Variants in DGKB observed in about 807,000 individuals in gnomAD.
DGKB encodes 90 kDa diacylglycerol kinase.
Under a neutral mutation model 114.3 loss-of-function variants are expected in DGKB, and 67 were observed. That is an observed-to-expected ratio of 0.59 (90% CI 0.48 to 0.72). DGKB has a LOEUF of 0.72. Ranked by LOEUF, DGKB falls within the 30% of genes least tolerant of loss-of-function variation. The pLI, the probability that DGKB is intolerant of heterozygous loss-of-function variation, is 0.00. For synonymous variants in DGKB, 398 were observed against 323.1 expected (o/e 1.23, Z -2.49); for missense variants, 907 against 975.2 (o/e 0.93, Z 0.93).
At chr7:14,172,130 C>A (rs945326453) in intron 25 of DGKB, among the ~76,000 whole-genome samples, 4 of 151,966 alleles carry the variant, frequency 2.6e-5, no homozygotes, top group African/African-American at 9.7e-5. Context: ...TGTTACCAAA[C>A]TAAAGAAGAG....
chr7:14,599,946 A>G (rs1314180243), intron 17 of DGKB, among the ~76,000 whole-genome samples: 1 of 152,212 alleles, frequency 6.6e-6, no homozygotes, highest in African/African-American at 2.4e-5. Flanking sequence ...CTTAACTCCT[A>G]TAGAAAAAAA....
intron 2 of DGKB, among the ~76,000 whole-genome samples, chr7:14,793,197 A>G (rs904426418): frequency 1.3e-5 from 2 of 152,190 alleles, no homozygotes; most frequent in African/African-American, 4.8e-5. Context: ...GACACTTAAG[A>G]AAAATACTGA....
At chr7:14,289,549 T>C (rs1298774030) in intron 23 of DGKB, among the ~76,000 whole-genome samples, 2 of 152,130 alleles carry the variant, frequency 1.3e-5, no homozygotes, top group Non-Finnish European at 2.9e-5. Context: ...ATTAAATCAG[T>C]ACATATTTTT....
At chr7:14,212,838 T>C (rs1046840973) in intron 23 of DGKB, among the ~76,000 whole-genome samples, 3 of 152,124 alleles carry the variant, frequency 2.0e-5, no homozygotes, top group Non-Finnish European at 4.4e-5. Flanking sequence ...ATTCACCATT[T>C]TTGACATCTC....
chr7:14,797,761 T>C (rs1331500760), intron 2 of DGKB, among the ~76,000 whole-genome samples: 1 of 152,142 alleles, frequency 6.6e-6, no homozygotes, highest in Non-Finnish European at 1.5e-5. Context: ...TGGCTTTCCT[T>C]CTTCTCTCCC....
chr7:14,838,977 T>G (rs1847537951), intron 2 of DGKB, among the ~76,000 whole-genome samples: 1 of 152,180 alleles, frequency 6.6e-6, no homozygotes, highest in African/African-American at 2.4e-5. Context: ...ACCTAATTTT[T>G]AAATATTTGT....
chr7:14,487,096 G>A (rs551257081), intron 20 of DGKB, among the ~76,000 whole-genome samples: 1 of 152,248 alleles, frequency 6.6e-6, no homozygotes, highest in African/African-American at 2.4e-5. Flanking sequence ...GAGTGTGTAG[G>A]GCTATTCACT....
chr7:14,704,551 C>A (rs954331283), intron 6 of DGKB, among the ~76,000 whole-genome samples: 1 of 151,840 alleles, frequency 6.6e-6, no homozygotes, highest in African/African-American at 2.4e-5. Context: ...ACGCAGAAGA[C>A]GGGTGATTTC....
chr7:14,967,455 G>A (rs1787220012), intron 1 of DGKB, among the ~76,000 whole-genome samples: 1 of 151,618 alleles, frequency 6.6e-6, no homozygotes, highest in Non-Finnish European at 1.5e-5. Context: ...CAAGTAGCTG[G>A]GATTGTAGGC....
At chr7:14,154,473 G>A (rs918911211) in intron 25 of DGKB, among the ~76,000 whole-genome samples, 1 of 151,860 alleles carries the variant, frequency 6.6e-6, no homozygotes, top group East Asian at 1.9e-4. Flanking sequence ...CAATACTGTA[G>A]AGCTTTTCAT....
chr7:14,673,170 G>T (rs189521927), intron 12 of DGKB, 143 bp from the exon 13 acceptor site: 4 of 460,662 alleles, frequency 8.7e-6, no homozygotes. Context: ...AGTCATAAAG[G>T]AATTCATAAT....
chr7:14,438,908 C>A lies in DGKB; in HGVS notation c.1835+39253G>T, dbSNP rs1829660554. ...GTAGTGACCTGAATATACTCCCTAA[C>A]CTTTAAATTTCTAAGACTTTTTTTT... On this transcript the variant is annotated intron_variant, in intron 21 of 25. Coordinates refer to ENST00000402815, the MANE Select transcript of DGKB (RefSeq NM_001350709.2). 2.0e-5 allele frequency among the ~76,000 whole-genome samples: 3 copies of A among 151,128 alleles called. 1 individual carries two copies. Among genetic ancestry groups the A allele is most frequent in the Middle Eastern group, 6.8e-3 (2 of 292 alleles).
intron 23 of DGKB, among the ~76,000 whole-genome samples, chr7:14,237,476 G>A (rs773803430): frequency 8.6e-5 from 13 of 151,494 alleles, no homozygotes; most frequent in African/African-American, 2.7e-4. Flanking sequence ...ATCCACTAAC[G>A]TCCTTGCCTA....
At chr7:14,959,599 G>A (rs1014563254) in intron 1 of DGKB, among the ~76,000 whole-genome samples, 1 of 151,830 alleles carries the variant, frequency 6.6e-6, no homozygotes, top group Non-Finnish European at 1.5e-5. Context: ...TGCTTACTAA[G>A]TAACTGCTCC....
intron 21 of DGKB, among the ~76,000 whole-genome samples, chr7:14,413,954 C>A (rs1024664697): frequency 6.6e-6 from 1 of 152,080 alleles, no homozygotes; most frequent in Non-Finnish European, 1.5e-5. Context: ...TAGAGATTTG[C>A]TCTTGGAAGT....
At chr7:14,547,218 T>G (rs1794426553) in intron 20 of DGKB, among the ~76,000 whole-genome samples, 1 of 152,100 alleles carries the variant, frequency 6.6e-6, no homozygotes, top group African/African-American at 2.4e-5. Context: ...CACCTCCACA[T>G]CCTCAAAGAA....
chr7:14,473,471 C>T (rs1016800845), intron 21 of DGKB, among the ~76,000 whole-genome samples: 1 of 152,210 alleles, frequency 6.6e-6, no homozygotes, highest in Admixed American at 6.5e-5. Flanking sequence ...CACAGAGAAC[C>T]TCTGCTAGGG....
At chr7:14,562,935 G>A (rs1482196046) in intron 20 of DGKB, among the ~76,000 whole-genome samples, 3 of 152,134 alleles carry the variant, frequency 2.0e-5, no homozygotes, top group Non-Finnish European at 2.9e-5. Flanking sequence ...GGAAGATATG[G>A]TTTGGCTGTG....
At chr7:14,580,114 C>G (rs767044304) in intron 19 of DGKB, among the ~76,000 whole-genome samples, 9 of 152,282 alleles carry the variant, frequency 5.9e-5, no homozygotes, top group African/African-American at 1.2e-4. Context: ...TTACCCTACT[C>G]CATCGACACT....
Sources: gnomAD v4.1 joint callset for allele counts (sites outside exome capture counted in the v4.1 genomes callset) on GRCh38, gnomAD v4.1.1 for gene constraint, MANE v1.5 for transcripts, NCBI Gene and HGNC (gene_info 2026-07-23, HGNC 2026-07-21) for gene names.